Variants in FANCC observed in about 807,000 individuals in gnomAD.
FANCC encodes the protein FA complementation group C.
In FANCC, 55 loss-of-function variants were observed where a neutral mutation model predicts 71.3. That is an observed-to-expected ratio of 0.77 (90% confidence interval 0.62 to 0.97). The LOEUF (loss-of-function observed/expected upper bound fraction) is 0.97. FANCC is among the 50% of genes least tolerant of loss of function. The pLI is 0.00. For missense variants in FANCC, 678 were observed against 670.9 expected, an observed-to-expected ratio of 1.01 and a Z score of -0.12; for synonymous variants, 275 against 244.9, an observed-to-expected ratio of 1.12 and a Z score of -1.15.
intron 10 of FANCC, among the ~76,000 whole-genome samples, chr9:95,122,524 AT>A (rs1027862611): frequency 2.0e-5 from 3 of 152,126 alleles, no homozygotes; most frequent in Non-Finnish European, 4.4e-5. Context: ...AGGGTGGTGA[AT>A]TCCTGTTTGT....
intron 1 of FANCC, among the ~76,000 whole-genome samples, chr9:95,266,917 A>G (rs1474021764): frequency 6.6e-6 from 1 of 152,196 alleles, no homozygotes; most frequent in Non-Finnish European, 1.5e-5. Flanking sequence ...GGCACGGTAA[A>G]TTCACTTTTG....
chr9:95,143,915 G>C (rs1218840533), intron 7 of FANCC, among the ~76,000 whole-genome samples: 1 of 152,204 alleles, frequency 6.6e-6, no homozygotes. Flanking sequence ...AAACCATAAA[G>C]AGGGGCAAGC....
chr9:95,294,241 A>C (rs912745057), intron 1 of FANCC: 1 of 1,582,350 alleles, frequency 6.3e-7, no homozygotes, highest in African/African-American at 1.3e-5. Context: ...CCCTGGAATC[A>C]ATTTTGATAT....
intron 1 of FANCC, chr9:95,293,100 C>T: frequency 6.2e-7 from 1 of 1,612,752 alleles, no homozygotes; most frequent in South Asian, 1.1e-5. Flanking sequence ...CTAGACCAGA[C>T]ACCCAAGAAC....
At chr9:95,227,826 A>G (rs1829721418) in intron 4 of FANCC, among the ~76,000 whole-genome samples, 1 of 152,216 alleles carries the variant, frequency 6.6e-6, no homozygotes, top group African/African-American at 2.4e-5. Context: ...ATCATTAGCA[A>G]GAAGAACGTT....
chr9:95,246,471 T>C (rs1483148864), intron 3 of FANCC, among the ~76,000 whole-genome samples: 1 of 152,248 alleles, frequency 6.6e-6, no homozygotes, highest in Non-Finnish European at 1.5e-5. Context: ...GTCATTATAT[T>C]ATGCAATTAG....
chr9:95,179,815 T>A (rs1016127292), intron 4 of FANCC, among the ~76,000 whole-genome samples: 8 of 152,202 alleles, frequency 5.3e-5, no homozygotes, highest in Non-Finnish European at 5.9e-5. Context: ...TAGCACATGA[T>A]GAGTAGTTGT....
chr9:95,187,498 C>T (rs1310564360), intron 4 of FANCC, among the ~76,000 whole-genome samples: 1 of 152,212 alleles, frequency 6.6e-6, no homozygotes, highest in South Asian at 2.1e-4. Flanking sequence ...CCTAAGTCAG[C>T]GTTTCTCAGG....
intron 8 of FANCC, among the ~76,000 whole-genome samples, chr9:95,128,250 G>A (rs1295622686): frequency 1.3e-5 from 2 of 152,166 alleles, no homozygotes; most frequent in East Asian, 1.9e-4. Context: ...AAAAGCAACC[G>A]TATGTCTTGA....
At chr9:95,255,053 C>T (rs1050696745) in intron 1 of FANCC, among the ~76,000 whole-genome samples, 4 of 152,166 alleles carry the variant, frequency 2.6e-5, no homozygotes, top group Non-Finnish European at 4.4e-5. Context: ...GCAGCAGCCC[C>T]AGTCAGTAGC....
chr9:95,293,404 T>A, intron 1 of FANCC: 1 of 1,578,986 alleles, frequency 6.3e-7, no homozygotes, highest in Non-Finnish European at 8.6e-7. Flanking sequence ...ATCCTCGGCC[T>A]AGATTCAGAG....
intron 6 of FANCC, among the ~76,000 whole-genome samples, chr9:95,151,033 T>C (rs1830140507): frequency 6.6e-6 from 1 of 152,212 alleles, no homozygotes; most frequent in Non-Finnish European, 1.5e-5. Flanking sequence ...TATAGGTGGC[T>C]GGCGGCTACA....
intron 13 of FANCC, among the ~76,000 whole-genome samples, chr9:95,109,179 TGAGA>T (rs2071709080): frequency 6.6e-6 from 1 of 152,210 alleles, no homozygotes; most frequent in African/African-American, 2.4e-5. Flanking sequence ...TCCAAAGTGC[TGAGA>T]TTACAGGCAT....
At chr9:95,121,225 A>C (rs1340601371) in intron 10 of FANCC, among the ~76,000 whole-genome samples, 1 of 152,222 alleles carries the variant, frequency 6.6e-6, no homozygotes, top group East Asian at 1.9e-4. Flanking sequence ...ACTGAGCCAC[A>C]GTGCAGGCTT....
Position 95,100,260 on chromosome 9 carries a change from T to C in FANCC, c.*1447A>G. ...GCATGTTATATGAAGGCAATGACCA[T>C]GATGGCAGCTGCCACCAAAATACTT... On this transcript the variant is annotated 3_prime_UTR_variant, in exon 15 of 15. Transcript: ENST00000289081. The C allele has an allele frequency of 4.3e-6, 1 of 232,152 alleles. No individual in the cohort carries two copies. Among genetic ancestry groups the C allele is most frequent in the Non-Finnish European group, 8.5e-6 (1 of 117,880 alleles). 14.4% of individuals were successfully genotyped at this position (232,152 alleles called of 1,614,324 possible). A position where few individuals can be genotyped will look rare whatever the true frequency, so the allele number is the denominator to read the frequency against.
chr9:95,304,951 T>G (rs1834989928), intron 1 of FANCC, among the ~76,000 whole-genome samples: 1 of 152,160 alleles, frequency 6.6e-6, no homozygotes, highest in Non-Finnish European at 1.5e-5. Context: ...TTGGCTTCAA[T>G]TCTCCTTATT....
rs1835329792 is a variant in FANCC, at chr9:95,310,564, G to A, written c.-79+6962C>T. Among the ~76,000 whole-genome samples, 4 of 152,232 alleles carry A rather than the reference G, an allele frequency of 2.6e-5. No individual in the cohort carries two copies. In the South Asian group the frequency reaches 8.3e-4, roughly 32 times the overall value. ...ACATACTTCTGTTCCAGCATCCCAAGTAAGAGACAGACCTCAGATGTATTC... is the reference window on the plus strand; with the variant it reads ...ACATACTTCTGTTCCAGCATCCCAAATAAGAGACAGACCTCAGATGTATTC... On this transcript the variant is annotated intron_variant, in intron 1 of 14. Coordinates refer to ENST00000289081, the MANE Select transcript of FANCC (RefSeq NM_000136.3).
Position 95,240,704 on chromosome 9 carries a change from A to G in FANCC, c.290T>C (p.Leu97Pro), listed in dbSNP as rs1223097554. The G allele has an allele frequency of 6.2e-7, 1 of 1,613,232 alleles. No individual in the cohort carries two copies. Among genetic ancestry groups the G allele is most frequent in the East Asian group, 2.2e-5 (1 of 44,772 alleles). ...QKILIWCLCC[L>P]INKEPQNSGQ... ...AGAATTCTGTGGTTCTTTGTTAATTAGACAACATAAGCACCATATTAGAAT... is the reference window on the plus strand; with the variant it reads ...AGAATTCTGTGGTTCTTTGTTAATTGGACAACATAAGCACCATATTAGAAT... The change falls in exon 4 of 15, where the codon CTA becomes CCA. Residue 97 changes from leucine to proline, a missense_variant. By Grantham distance (98) the Leu-to-Pro change is moderately conservative. Transcript: ENST00000289081.
At chr9:95,287,286 T>A (rs1240905753) in intron 1 of FANCC, among the ~76,000 whole-genome samples, 1 of 152,228 alleles carries the variant, frequency 6.6e-6, no homozygotes, top group Non-Finnish European at 1.5e-5. Flanking sequence ...AAAGTCAGTT[T>A]TTTGTTGTTT....
Sources: gnomAD v4.1 joint callset for allele counts (sites outside exome capture counted in the v4.1 genomes callset) on GRCh38, gnomAD v4.1.1 for gene constraint, MANE v1.5 for transcripts, NCBI Gene and HGNC (gene_info 2026-07-23, HGNC 2026-07-21) for gene names.